TBC1D16: variants seen among roughly 807,000 people sequenced by gnomAD.
TBC1D16 encodes the protein TBC1 domain family member 16.
A neutral mutation model predicts 74.7 loss-of-function variants in TBC1D16; 58 were observed. That is an observed-to-expected ratio of 0.78 (90% CI 0.63 to 0.97). TBC1D16 has a LOEUF of 0.97. TBC1D16 is among the 50% of genes least tolerant of loss of function. The pLI, the probability that TBC1D16 is intolerant of heterozygous loss-of-function variation, is 0.00. For missense variants in TBC1D16, 1,014 were observed against 1,079.5 expected (o/e 0.94, Z 0.85); for synonymous variants, 493 against 474.7 (o/e 1.04, Z -0.50).
chr17:79,993,679 TC>T lies in TBC1D16; in HGVS notation c.779+16480del, dbSNP rs1158396392. 4 of 152,044 alleles carry T rather than the reference TC, an allele frequency of 2.6e-5. No individual in the cohort carries two copies. The highest frequency in any genetic ancestry group is 4.8e-5 in the African/African-American group (2 of 41,392). The allele number at this position is 152,044 out of a possible 1,614,324, so 9.4% of individuals were successfully genotyped here. ...GGTTCCCCAGAGGTACGGTGTGAGC[TC>T]CCCAACTCACCGGGAGACAGGCGCT... On this transcript the variant is annotated intron_variant, in intron 3 of 11. Coordinates refer to ENST00000310924, the MANE Select transcript of TBC1D16 (RefSeq NM_019020.4). This position sits in a 1 kb window ranked among gnomAD's most constrained non-coding sequence, Gnocchi z 5.1.
chr17:79,993,339 G>C lies in TBC1D16; in HGVS notation c.779+16821C>G, dbSNP rs1478737929. 6.6e-6 allele frequency among the ~76,000 whole-genome samples: 1 copy of C among 152,216 alleles called. No homozygotes were observed. Among genetic ancestry groups the C allele is most frequent in the African/African-American group, 2.4e-5 (1 of 41,458 alleles). On this transcript the variant is annotated intron_variant, in intron 3 of 11. Coordinates refer to ENST00000310924, the MANE Select transcript of TBC1D16 (RefSeq NM_019020.4). The surrounding 1 kb of genome is among the most constrained non-coding windows in gnomAD (Gnocchi z 5.1). ...CAGAAGTGTGGCTGAGTGTCTGTCT[G>C]TTCTTGATGGTCAGGGAACCTTACT... is the stretch of plus-strand genomic sequence containing the variant.
chr17:79,998,125 CAAAAAAAAA>C (rs901486919), intron 3 of TBC1D16, among the ~76,000 whole-genome samples: 106 of 52,004 alleles, frequency 2.0e-3, no homozygotes, highest in African/African-American at 6.2e-3. Context: ...AACTCTGTCT[CAAAAAAAAA>C]AAAAAAAAAA....
At position 79,986,759 on chromosome 17, in the gene TBC1D16, C is replaced by A. The variant is rs999976704; in HGVS notation, c.779+23401G>T. The stretch of plus-strand genomic sequence containing the variant: ...CCTTCCAAGGAAGGCTCTACACACC[C>A]GGCCCTCCTCAGAGCCTCAGCCCGC... On this transcript the variant is annotated intron_variant, in intron 3 of 11. Transcript: ENST00000310924. This position sits in a 1 kb window ranked among gnomAD's most constrained non-coding sequence, Gnocchi z 6.0. Among the ~76,000 whole-genome samples, 1 of 152,184 alleles carries A rather than the reference C, an allele frequency of 6.6e-6. No individual in the cohort carries two copies. Among genetic ancestry groups the A allele is most frequent in the Non-Finnish European group, 1.5e-5 (1 of 68,038 alleles).
intron 1 of TBC1D16, among the ~76,000 whole-genome samples, chr17:80,034,842 T>C (rs2036901195): frequency 6.6e-6 from 1 of 152,216 alleles, no homozygotes; most frequent in Non-Finnish European, 1.5e-5. Context: ...TCTGGCAATA[T>C]GCCGCCTCAC....
rs769589424 is a variant in TBC1D16 at position 79,942,120 on chromosome 17, CTGGTCCG to C, written c.1988_1994del (p.Thr663ArgfsTer13). 1.1e-5 allele frequency: 18 copies of C among 1,612,090 alleles called. No homozygotes were observed. Among genetic ancestry groups the C allele is most frequent in the Non-Finnish European group, 1.5e-5 (18 of 1,179,610 alleles). On this transcript the variant is annotated frameshift_variant, in exon 11 of 12. Coordinates refer to ENST00000310924, the MANE Select transcript of TBC1D16 (RefSeq NM_019020.4). LOFTEE classifies it high-confidence loss of function. ...CCAGGTTTCCGAAGTGCAGGAGCAT[CTGGTCCG>C]TGGCCAGCTGCTGCTCGATGACGTC... is the stretch of plus-strand genomic sequence containing the variant.
intron 1 of TBC1D16, among the ~76,000 whole-genome samples, chr17:80,019,553 T>C (rs2036215789): frequency 6.7e-6 from 1 of 149,390 alleles, no homozygotes; most frequent in Non-Finnish European, 1.5e-5. Context: ...CAATTCTCCT[T>C]ATTTGTAAAG....
At chr17:79,965,728 G>A (rs373186499) in intron 3 of TBC1D16, among the ~76,000 whole-genome samples, 5 of 152,184 alleles carry the variant, frequency 3.3e-5, no homozygotes, top group East Asian at 3.9e-4. Context: ...AGAGACAGCA[G>A]TCACATCAAC....
chr17:80,010,690 G>T lies in TBC1D16; in HGVS notation c.249C>A (p.Pro83=). Residue 83 remains proline, a synonymous_variant, in exon 3 of 12, where the codon CCC becomes CCA. Transcript: ENST00000310924. The surrounding 1 kb of genome is among the most constrained non-coding windows in gnomAD (Gnocchi z 8.8). ...LGATLILAWV[P]NSRIQRQDEE... ...CGTCCTGCCTCTGGATGCGAGAGTT[G>T]GGGACCCATGCCAGGATGAGGGTGG... 6.6e-7 allele frequency: 1 copy of T among 1,520,288 alleles called. No homozygotes were observed. The allele number at this position is 1,520,288 out of a possible 1,614,324, so 94.2% of individuals were successfully genotyped here.
intron 1 of TBC1D16, among the ~76,000 whole-genome samples, chr17:80,027,323 A>G (rs2036612952): frequency 6.6e-6 from 1 of 152,026 alleles, no homozygotes; most frequent in Non-Finnish European, 1.5e-5. Context: ...TTAGCTGGGC[A>G]TGGTGGCATG....
chr17:80,013,459 G>T lies in TBC1D16; in HGVS notation c.89C>A (p.Pro30His), dbSNP rs909772758. 1.9e-6 allele frequency: 3 copies of T among 1,600,874 alleles called. No individual in the cohort carries two copies. The highest frequency in any genetic ancestry group is 3.4e-5 in the Admixed American group (2 of 57,988). Residue 30 changes from proline (P) to histidine (H), a missense_variant, in exon 2 of 12, where the codon CCC (proline) becomes CAC (histidine). Pro to His is a moderately conservative substitution (Grantham distance 77, BLOSUM62 -2). Transcript: ENST00000310924. Reference protein sequence around the residue: ...LTPGGSGSGSPSVLDGEIIYS... With the variant: ...LTPGGSGSGSHSVLDGEIIYS... ...GATGATCTCTCCATCCAGGACAGAG[G>T]GGGACCCGCTGCCGCTGCCACCGGG...
At chr17:80,020,447 T>C (rs1239496595) in intron 1 of TBC1D16, among the ~76,000 whole-genome samples, 1 of 149,086 alleles carries the variant, frequency 6.7e-6, no homozygotes, top group East Asian at 1.9e-4. Context: ...TAGCCAAGCG[T>C]AGGGGCGGGT....
chr17:79,973,962 T>C (rs2034224014), intron 3 of TBC1D16, among the ~76,000 whole-genome samples: 3 of 152,238 alleles, frequency 2.0e-5, no homozygotes, highest in Admixed American at 6.5e-5. Flanking sequence ...TCTTTCCTTA[T>C]TCAGTTGAGA....
In TBC1D16 at chr17:79,945,022, G is replaced by A. The variant is rs1342990183; in HGVS notation, c.1794C>T (p.Gly598=). ...VRFYQHLVSL[G]EDGLQMLFCH... ...AGAAGAGCATCTGCAGGCCGTCCTCGCCCAGCGAGACCAGGTGCTGGTAGA... is the reference window on the plus strand; with the variant it reads ...AGAAGAGCATCTGCAGGCCGTCCTCACCCAGCGAGACCAGGTGCTGGTAGA... The change falls in exon 10 of 12, where the codon GGC becomes GGT. Residue 598 remains glycine (G), a synonymous_variant. Transcript: ENST00000310924. 1.0e-5 allele frequency: 16 copies of A among 1,580,904 alleles called. No homozygotes were observed. Among genetic ancestry groups the A allele is most frequent in the Middle Eastern group, 1.7e-4 (1 of 6,038 alleles).
chr17:79,946,553 CTG>C (rs1246310584), intron 9 of TBC1D16, among the ~76,000 whole-genome samples: 1 of 152,182 alleles, frequency 6.6e-6, no homozygotes. Flanking sequence ...AAGTCACACT[CTG>C]TGTCCTGGGG....
In TBC1D16 at chr17:79,981,561, A is replaced by G. The variant is rs1312203379; in HGVS notation, c.779+28599T>C. Among the ~76,000 whole-genome samples the G allele has an allele frequency of 1.3e-5, 2 of 152,206 alleles. No individual in the cohort carries two copies. The highest frequency in any genetic ancestry group is 1.5e-5 in the Non-Finnish European group (1 of 68,036). The stretch of plus-strand genomic sequence containing the variant: ...ACAAGCACGCAGAGACATATTCAAG[A>G]TCGTCGGTGATAAAGAAATGCGCAT... On this transcript the variant is annotated intron_variant, in intron 3 of 11. Coordinates refer to ENST00000310924, the MANE Select transcript of TBC1D16 (RefSeq NM_019020.4). The surrounding 1 kb of genome is among the most constrained non-coding windows in gnomAD (Gnocchi z 6.9).
In TBC1D16 at chr17:79,981,813, G is replaced by A. The variant is rs867786663; in HGVS notation, c.779+28347C>T. 3.3e-5 allele frequency among the ~76,000 whole-genome samples: 5 copies of A among 152,196 alleles called. No homozygotes were observed. Among genetic ancestry groups the A allele is most frequent in the Non-Finnish European group, 5.9e-5 (4 of 68,042 alleles). ...ACGGGCACGAAGCAGACCCACATCC[G>A]TCCCTGCAGCAGCAGCCTCGGCCCA... On this transcript the variant is annotated intron_variant, in intron 3 of 11. Coordinates refer to ENST00000310924, the MANE Select transcript of TBC1D16 (RefSeq NM_019020.4). This position sits in a 1 kb window ranked among gnomAD's most constrained non-coding sequence, Gnocchi z 6.9.
intron 1 of TBC1D16, among the ~76,000 whole-genome samples, chr17:80,034,370 T>C (rs560840080): frequency 1.1e-4 from 16 of 145,238 alleles, no homozygotes; most frequent in Non-Finnish European, 9.3e-5. Flanking sequence ...GGGCTAATTT[T>C]TGTATTTTTA....
At chr17:79,959,811 T>C (rs1409628943) in intron 3 of TBC1D16, among the ~76,000 whole-genome samples, 1 of 152,156 alleles carries the variant, frequency 6.6e-6, no homozygotes, top group African/African-American at 2.4e-5. Context: ...TAGGCCCAGG[T>C]TTCTTAGATA....
Position 79,958,790 on chromosome 17 carries a change from A to G in TBC1D16, c.780-5972T>C, listed in dbSNP as rs78988223. 7.5e-3 allele frequency among the ~76,000 whole-genome samples: 1,149 copies of G among 152,346 alleles called. 15 individuals carry two copies. Among genetic ancestry groups the G allele is most frequent in the African/African-American group, 0.026 (1,101 of 41,582 alleles). ...ACAGATATTCCACCGTTAGCGTCAT[A>G]CTGAATGGTAAAAGATGGAATTGTT... is the stretch of plus-strand genomic sequence containing the variant. On this transcript the variant is annotated intron_variant, in intron 3 of 11. Coordinates refer to ENST00000310924, the MANE Select transcript of TBC1D16 (RefSeq NM_019020.4).
Sources: allele counts gnomAD v4.1 joint callset (sites outside exome capture counted in the v4.1 genomes callset), GRCh38; gene constraint gnomAD v4.1.1; non-coding constraint Gnocchi (gnomAD v3.1); transcripts MANE v1.5; gene names NCBI Gene and HGNC (gene_info 2026-07-23, HGNC 2026-07-21).